The following GLB1L2 variants were observed in gnomAD, a reference collection of about 807,000 sequenced individuals.
GLB1L2 encodes beta-galactosidase-1-like protein 2.
Under a neutral mutation model 84.1 loss-of-function variants are expected in GLB1L2, and 68 were observed. The ratio of observed to expected loss-of-function variants is 0.81; its 90% CI spans 0.67 to 0.99. The LOEUF (loss-of-function observed/expected upper bound fraction) is 0.99. Among genes scored for constraint, GLB1L2 ranks in the 50% least tolerant of loss-of-function variants. GLB1L2 has a pLI of 0.00. For missense variants in GLB1L2, 762 were observed against 805.6 expected, an observed-to-expected ratio of 0.95 and a Z score of 0.66; for synonymous variants, 290 against 318.0, an observed-to-expected ratio of 0.91 and a Z score of 0.94.
At chr11:134,371,982 G>A in intron 15 of GLB1L2, 152 bp downstream of exon 15, 1 of 694,484 alleles carries the variant, frequency 1.4e-6, no homozygotes, top group Non-Finnish European at 2.5e-6. Context: ...TTCTGAGTGG[G>A]CCAGAGAAAC....
intron 7 of GLB1L2, 136 bp from the exon 8 acceptor site, chr11:134,364,192 C>G: frequency 1.4e-6 from 1 of 705,722 alleles, no homozygotes; most frequent in Non-Finnish European, 2.4e-6. Context: ...TGGCTGACTT[C>G]TAACTGGAGG....
chr11:134,344,114 C>A (rs1345454874), intron 2 of GLB1L2, among the ~76,000 whole-genome samples: 1 of 152,172 alleles, frequency 6.6e-6, no homozygotes, highest in African/African-American at 2.4e-5. Flanking sequence ...TCCAATGGGG[C>A]GTGGGCATGG....
At chr11:134,343,381 C>G (rs1380143325) in intron 2 of GLB1L2, among the ~76,000 whole-genome samples, 1 of 152,160 alleles carries the variant, frequency 6.6e-6, no homozygotes, top group Non-Finnish European at 1.5e-5. Flanking sequence ...CCATCCCAGC[C>G]TCTGCTGTGA....
At chr11:134,373,264 A>G (rs1317954452) in intron 15 of GLB1L2, among the ~76,000 whole-genome samples, 1 of 152,136 alleles carries the variant, frequency 6.6e-6, no homozygotes, top group Admixed American at 6.5e-5. Flanking sequence ...TGCCCGAGGG[A>G]GGGTGCCATC....
In GLB1L2 at chr11:134,375,015, T is replaced by C; in HGVS notation, c.1868T>C (p.Phe623Ser). The change falls in exon 19 of 19, where the codon TTC (phenylalanine) becomes TCC (serine). Residue 623 changes from phenylalanine (F) to serine (S), a missense_variant. Physicochemically the swap from Phe to Ser is radical, Grantham distance 155. Around this residue, in one of 3 missense-constraint regions of GLB1L2, gnomAD observed 603 missense variants for 611.7 expected, o/e 0.99. Transcript: ENST00000535456. ...ACGATGGCGGGCCCTGCATTACAGT[T>C]CACGGAAACCCCCCACCTGGGCAGG... ...EETMAGPALQ[F>S]TETPHLGRNQ... 1 of 1,613,868 alleles carries C rather than the reference T, an allele frequency of 6.2e-7. No homozygotes were observed. Among genetic ancestry groups the C allele is most frequent in the South Asian group, 1.1e-5 (1 of 91,036 alleles).
At chr11:134,367,112 C>T in intron 8 of GLB1L2, 145 bp from the exon 9 acceptor site, 1 of 752,080 alleles carries the variant, frequency 1.3e-6, no homozygotes. Context: ...CACCTATGCC[C>T]CACCTCCAAA....
Position 134,371,029 on chromosome 11 carries a change from A to T in GLB1L2, c.1237A>T (p.Ile413Phe). Residue 413 changes from isoleucine (I) to phenylalanine (F), a missense_variant, in exon 13 of 19, where the codon ATC becomes TTC. Physicochemically the swap from Ile to Phe is conservative, Grantham distance 21 (BLOSUM62 0). This residue lies in a region of GLB1L2 where 603 missense variants were observed against 611.7 expected (regional missense o/e 0.99). Coordinates refer to ENST00000535456, the MANE Select transcript of GLB1L2 (RefSeq NM_001370461.1). Reference sequence around the variant, plus strand: ...GCAGCCAATCAAGTCTGAAAAGCCCATCAACATGGAGAACCTGCCAGTCAA... The same window carrying T: ...GCAGCCAATCAAGTCTGAAAAGCCCTTCAACATGGAGAACCTGCCAGTCAA... The part of the protein sequence containing the change: ...LGEPIKSEKP[I>F]NMENLPVNGG... The T allele has an allele frequency of 3.1e-6, 5 of 1,614,054 alleles. No homozygotes were observed. Among genetic ancestry groups the T allele is most frequent in the Non-Finnish European group, 3.4e-6 (4 of 1,179,996 alleles).
rs752683812 is a variant in GLB1L2 at position 134,371,758 on chromosome 11, A to G, written c.1435A>G (p.Thr479Ala). Residue 479 changes from threonine to alanine, a missense_variant, in exon 15 of 19, where the codon ACC (threonine) becomes GCC (alanine). Thr to Ala is a moderately conservative substitution (Grantham distance 58, BLOSUM62 0). Transcript: ENST00000535456. ...KIAVPLIQGY[T>A]VLRILVENRG... The stretch of plus-strand genomic sequence containing the variant: ...AGCCCCGTGTTCCCGGCAGGGTTAC[A>G]CCGTGCTGAGGATCTTGGTGGAGAA... 6.2e-7 allele frequency: 1 copy of G among 1,613,748 alleles called. No individual in the cohort carries two copies. Among genetic ancestry groups the G allele is most frequent in the East Asian group, 2.2e-5 (1 of 44,874 alleles).
chr11:134,368,624 C>CT lies in GLB1L2; in HGVS notation c.890-17dup, dbSNP rs369111573. On this transcript the variant is annotated intron_variant, in intron 9 of 18. Coordinates refer to ENST00000535456, the MANE Select transcript of GLB1L2 (RefSeq NM_001370461.1). ...GACTTTAACTCACTCTGCACATCCC[C>CT]TTTCTCCCTCCTCCGGCAGAGGTTT... 9.9e-3 allele frequency: 15,949 copies of CT among 1,613,030 alleles called. 116 individuals are homozygous for CT. The highest frequency in any genetic ancestry group is 0.012 in the Non-Finnish European group (14,106 of 1,179,820).
chr11:134,369,746 G>T (rs368566124), intron 10 of GLB1L2, 59 bp from the exon 11 acceptor site: 1 of 1,467,212 alleles, frequency 6.8e-7, no homozygotes, highest in Non-Finnish European at 9.4e-7. Flanking sequence ...CCTGTTCTTC[G>T]TGCTACATGT....
Position 134,349,799 on chromosome 11 carries a change from A to G in GLB1L2, c.558+2366A>G, listed in dbSNP as rs1943601297. Among the ~76,000 whole-genome samples, 2 of 152,172 alleles carry G rather than the reference A, an allele frequency of 1.3e-5. 1 individual carries two copies. The highest frequency in any genetic ancestry group is 4.1e-4 in the South Asian group (2 of 4,836). ...GTTGTTTGTTTTTATGTTGTTGATTATAGGAATTCTTTTTACTTTCTGGAG... is the reference window on the plus strand; with the variant it reads ...GTTGTTTGTTTTTATGTTGTTGATTGTAGGAATTCTTTTTACTTTCTGGAG... On this transcript the variant is annotated intron_variant, in intron 5 of 18. Transcript: ENST00000535456.
At position 134,368,879 on chromosome 11, in the gene GLB1L2, C is replaced by T. The variant is rs1018235711; in HGVS notation, c.1027+98C>T. 1.1e-5 allele frequency: 14 copies of T among 1,310,524 alleles called. No homozygotes were observed. The Middle Eastern group carries it at 5.9e-4, about 55-fold the overall frequency. 81.2% of individuals were successfully genotyped at this position (1,310,524 alleles called of 1,614,324 possible). A position where few individuals can be genotyped will look rare whatever the true frequency, so the allele number is the denominator to read the frequency against. ...CCTCAGGGTCAACTTCTGGCACCTT[C>T]GTGTCTTTGGCAATAGAGTACCTGG... On this transcript the variant is annotated intron_variant, in intron 10 of 18. Coordinates refer to ENST00000535456, the MANE Select transcript of GLB1L2 (RefSeq NM_001370461.1).
intron 7 of GLB1L2, among the ~76,000 whole-genome samples, chr11:134,361,754 G>C (rs974303692): frequency 1.8e-4 from 28 of 152,064 alleles, no homozygotes; most frequent in Admixed American, 1.7e-3. Flanking sequence ...CCTGCATGGT[G>C]GGGGGTCTGC....
rs201096380 is a variant in GLB1L2 at position 134,346,828 on chromosome 11, G to A, written c.450-497G>A. The stretch of plus-strand genomic sequence containing the variant: ...GCTCACCTGCTGCTCTGGGCTGTGC[G>A]CCACTGATGCCAAGGCGTTAGCCAC... On this transcript the variant is annotated intron_variant, in intron 4 of 18. Transcript: ENST00000535456. 4 of 162,820 alleles carry A rather than the reference G, an allele frequency of 2.5e-5. No homozygotes were observed. In the East Asian group the frequency reaches 6.3e-4, roughly 26 times the overall value. The allele number at this position is 162,820 out of a possible 1,614,324, so 10.1% of individuals were successfully genotyped here. A position where few individuals can be genotyped will look rare whatever the true frequency, so the allele number is the denominator to read the frequency against.
At chr11:134,336,559 A>G (rs1340256372) in intron 1 of GLB1L2, among the ~76,000 whole-genome samples, 1 of 152,238 alleles carries the variant, frequency 6.6e-6, no homozygotes, top group Non-Finnish European at 1.5e-5. Flanking sequence ...ATGTATTTCT[A>G]TAAGTAGAAT....
chr11:134,333,462 G>A (rs964005414), intron 1 of GLB1L2, among the ~76,000 whole-genome samples: 1 of 152,196 alleles, frequency 6.6e-6, no homozygotes, highest in African/African-American at 2.4e-5. Context: ...GGGTAGCAAG[G>A]CGTGCAAGCT....
At chr11:134,362,628 G>A (rs1044680101) in intron 7 of GLB1L2, among the ~76,000 whole-genome samples, 2 of 152,220 alleles carry the variant, frequency 1.3e-5, no homozygotes, top group Admixed American at 6.5e-5. Flanking sequence ...GCTGTTCTGG[G>A]CCAGGCCGGC....
intron 4 of GLB1L2, chr11:134,346,718 C>T (rs908270065): frequency 6.5e-6 from 1 of 152,694 alleles, no homozygotes; most frequent in Non-Finnish European, 1.5e-5. Context: ...AGCCCTGACT[C>T]CAGCTTTGGA....
rs149120218 is a variant in GLB1L2 at position 134,374,176 on chromosome 11, G to C, written c.1627G>C (p.Glu543Gln). 3.1e-6 allele frequency: 5 copies of C among 1,614,020 alleles called. No homozygotes were observed. In the African/African-American group the frequency reaches 6.7e-5, roughly 22 times the overall value. Residue 543 changes from glutamate (E) to glutamine (Q), a missense_variant, in exon 17 of 19, where the codon GAA becomes CAA. Glu to Gln is a conservative substitution (Grantham distance 29, BLOSUM62 2). Coordinates refer to ENST00000535456, the MANE Select transcript of GLB1L2 (RefSeq NM_001370461.1). ...CCTGGACAAATGGAGTTCCCTCCCA[G>C]AAACACCCACATTACCTGCTTTCTT... ...FGLDKWSSLP[E>Q]TPTLPAFFLG...
Sources: allele counts gnomAD v4.1 joint callset (sites outside exome capture counted in the v4.1 genomes callset), GRCh38; gene constraint gnomAD v4.1.1; regional missense constraint gnomAD v4.1.1; transcripts MANE v1.5; gene names NCBI Gene and HGNC (gene_info 2026-07-23, HGNC 2026-07-21).